CCDC163: variants seen among roughly 807,000 people sequenced by gnomAD.
CCDC163 encodes transmembrane protein CCDC163.
In CCDC163, 13 loss-of-function variants were observed where a neutral mutation model predicts 8.2. The observed-to-expected ratio is 1.59, with a 90% CI of 1.04 to 2.54. The LOEUF is 2.54. Ranked by LOEUF, CCDC163 falls within the 30% of genes most tolerant of loss-of-function variation. The probability of loss-of-function intolerance (pLI) is 0.00; values close to 1 mark genes in which losing one functional copy is unlikely to be tolerated. For missense variants in CCDC163, 117 were observed against 78.6 expected, an observed-to-expected ratio of 1.49 and a Z score of -1.85; for synonymous variants, 41 against 30.9, an observed-to-expected ratio of 1.33 and a Z score of -1.08.
In CCDC163 at chr1:45,494,795, A is replaced by G. The variant is rs1653942614; in HGVS notation, c.*264T>C. 2.4e-6 allele frequency: 1 copy of G among 412,452 alleles called. No homozygotes were observed. Among genetic ancestry groups the G allele is most frequent in the Admixed American group, 3.5e-5 (1 of 28,610 alleles). 25.5% of individuals were successfully genotyped at this position (412,452 alleles called of 1,614,324 possible). A position where few individuals can be genotyped will look rare whatever the true frequency, so the allele number is the denominator to read the frequency against. On this transcript the variant is annotated 3_prime_UTR_variant, in exon 5 of 5. Coordinates refer to ENST00000629482, the MANE Select transcript of CCDC163 (RefSeq NM_001102601.3). ...AACATGGTGAAACCCCATCTCTACT[A>G]AAAATACAAAAATTAGCGCACACCT...
chr1:45,497,690 C>A (rs1196803499), intron 2 of CCDC163, among the ~76,000 whole-genome samples: 1 of 39,728 alleles, frequency 2.5e-5, no homozygotes, highest in Non-Finnish European at 4.8e-5. Flanking sequence ...GGCAGCCACC[C>A]CGTCCGGGAG....
Position 45,499,711 on chromosome 1 carries a change from T to C in CCDC163, c.-102A>G. 1.5e-6 allele frequency: 1 copy of C among 674,950 alleles called. No homozygotes were observed. The allele number at this position is 674,950 out of a possible 1,614,324, so 41.8% of individuals were successfully genotyped here. A position where few individuals can be genotyped will look rare whatever the true frequency, so the allele number is the denominator to read the frequency against. On this transcript the variant is annotated 5_prime_UTR_variant, in exon 1 of 5. Coordinates refer to ENST00000629482, the MANE Select transcript of CCDC163 (RefSeq NM_001102601.3). ...GTATCCCCAGGAAAGGCCACCACGT[T>C]AGATGGAAAGAGGGAAGTGGGGATG...
chr1:45,497,727 C>T (rs1353938963), intron 2 of CCDC163, among the ~76,000 whole-genome samples: 1 of 33,288 alleles, frequency 3.0e-5, no homozygotes, highest in Non-Finnish European at 5.9e-5. Flanking sequence ...AGCCCCCCGC[C>T]AGGCCAGCCG....
In CCDC163 at chr1:45,499,527, C is replaced by T. The variant is rs1476935816; in HGVS notation, c.78+5G>A. 1.3e-6 allele frequency: 1 copy of T among 778,996 alleles called. No individual in the cohort carries two copies. Among genetic ancestry groups the T allele is most frequent in the African/African-American group, 1.7e-5 (1 of 59,102 alleles). The allele number at this position is 778,996 out of a possible 1,614,324, so 48.3% of individuals were successfully genotyped here. The stretch of plus-strand genomic sequence containing the variant: ...GCAAACTGGGGACCTCCACCAACCC[C>T]TCACCTTATTCCGGACCACATTTCC... On this transcript the variant is annotated splice_donor_5th_base_variant and intron_variant, in intron 1 of 4. Coordinates refer to ENST00000629482, the MANE Select transcript of CCDC163 (RefSeq NM_001102601.3).
At chr1:45,496,529 C>G (rs1654154883) in intron 4 of CCDC163, 27 bp downstream of exon 4, 1 of 778,618 alleles carries the variant, frequency 1.3e-6, no homozygotes, top group African/African-American at 1.7e-5. Context: ...GAGAAATATG[C>G]AGAGACAAGT....
intron 3 of CCDC163, 121 bp from the exon 4 acceptor site, chr1:45,496,744 G>A (rs538266291): frequency 4.2e-5 from 27 of 642,124 alleles, no homozygotes; most frequent in Non-Finnish European, 6.5e-5. Flanking sequence ...CCATTGGGAC[G>A]CTTCCAAGCT....
chr1:45,498,756 T>C (rs1643445807), intron 2 of CCDC163: 3 of 161,656 alleles, frequency 1.9e-5, no homozygotes, highest in Non-Finnish European at 1.4e-5. Context: ...CAAAATTGTG[T>C]GCATACATAT....
At position 45,499,455 on chromosome 1, in the gene CCDC163, A is replaced by G. The variant is rs755473389; in HGVS notation, c.79-12T>C. On this transcript the variant is annotated splice_polypyrimidine_tract_variant and intron_variant, in intron 1 of 4. Transcript: ENST00000629482. ...GGATACAGCCACTGCTACAAAAGAA[A>G]CAGATGCACAGGCCAATGAACTCTG... The G allele has an allele frequency of 1.3e-6, 1 of 778,556 alleles. No homozygotes were observed. The highest frequency in any genetic ancestry group is 1.3e-5 in the South Asian group (1 of 74,172). The allele number at this position is 778,556 out of a possible 1,614,324, so 48.2% of individuals were successfully genotyped here. A position where few individuals can be genotyped will look rare whatever the true frequency, so the allele number is the denominator to read the frequency against.
At position 45,497,372 on chromosome 1, in the gene CCDC163, A is replaced by AG. The variant is rs772599722; in HGVS notation, c.188dup (p.Val64CysfsTer37). The AG allele has an allele frequency of 3.8e-6, 3 of 779,512 alleles. No individual in the cohort carries two copies. The highest frequency in any genetic ancestry group is 7.2e-6 in the Non-Finnish European group (3 of 417,314). 48.3% of individuals were successfully genotyped at this position (779,512 alleles called of 1,614,324 possible). ...CCTCCCACAGCACTGCAGGAGTGACAGCAGTGCTATTCTAAAGTCAATCAA... is the reference window on the plus strand; with the variant it reads ...CCTCCCACAGCACTGCAGGAGTGACAGGCAGTGCTATTCTAAAGTCAATCAA... On this transcript the variant is annotated frameshift_variant, in exon 3 of 5. Transcript: ENST00000629482. LOFTEE classifies it high-confidence loss of function.
intron 2 of CCDC163, among the ~76,000 whole-genome samples, chr1:45,497,615 A>G (rs1440759143): frequency 1.6e-5 from 2 of 125,808 alleles, no homozygotes; most frequent in African/African-American, 6.3e-5. Context: ...GGCCTCCCAA[A>G]GTGCCGAGAC....
At chr1:45,495,878 G>A (rs1054831923) in intron 4 of CCDC163, among the ~76,000 whole-genome samples, 1 of 152,030 alleles carries the variant, frequency 6.6e-6, no homozygotes, top group Non-Finnish European at 1.5e-5. Flanking sequence ...GGCTGGTCTT[G>A]AACTCCTGAC....
At position 45,494,463 on chromosome 1, in the gene CCDC163, CAA is replaced by C. The variant is rs57092651; in HGVS notation, c.*594_*595del. On this transcript the variant is annotated 3_prime_UTR_variant, in exon 5 of 5. Transcript: ENST00000629482. ...TGGGCAACTGAGTAAGACCTTGCCT[CAA>C]AAAAAAAAAAAAAAAAGGCAGAAGC... 156 of 101,116 alleles carry C rather than the reference CAA, an allele frequency of 1.5e-3. No homozygotes were observed. Among genetic ancestry groups the C allele is most frequent in the East Asian group, 3.2e-3 (12 of 3,740 alleles). The allele number at this position is 101,116 out of a possible 1,614,324, so 6.3% of individuals were successfully genotyped here. A position where few individuals can be genotyped will look rare whatever the true frequency, so the allele number is the denominator to read the frequency against.
intron 4 of CCDC163, among the ~76,000 whole-genome samples, chr1:45,495,792 G>A (rs749309714): frequency 6.6e-6 from 1 of 150,732 alleles, no homozygotes; most frequent in Non-Finnish European, 1.5e-5. Context: ...TCAGCCTCTC[G>A]AGTAGCTGGG....
intron 2 of CCDC163, among the ~76,000 whole-genome samples, chr1:45,497,720 C>A (rs1450332519): frequency 2.7e-5 from 1 of 36,868 alleles, no homozygotes; most frequent in Non-Finnish European, 5.3e-5. Flanking sequence ...GGGGGTCAGC[C>A]CCCCGCCAGG....
At chr1:45,496,823 G>A (rs1439880664) in intron 3 of CCDC163, among the ~76,000 whole-genome samples, 200 bp from the exon 4 acceptor site, 1 of 152,218 alleles carries the variant, frequency 6.6e-6, no homozygotes, top group African/African-American at 2.4e-5. Context: ...ACACTTCTCA[G>A]TAGCTCAGGC....
In CCDC163 at chr1:45,499,666, C is replaced by A; in HGVS notation, c.-57G>T. ...CTCCCTGGTGTCTTGTGCTTGCTCTCCTAGCGGGGGATACCCAAGGTATCC... is the reference window on the plus strand; with the variant it reads ...CTCCCTGGTGTCTTGTGCTTGCTCTACTAGCGGGGGATACCCAAGGTATCC... On this transcript the variant is annotated 5_prime_UTR_variant, in exon 1 of 5. Transcript: ENST00000629482. 1.4e-6 allele frequency: 1 copy of A among 722,080 alleles called. No homozygotes were observed. 44.7% of individuals were successfully genotyped at this position (722,080 alleles called of 1,614,324 possible). A position where few individuals can be genotyped will look rare whatever the true frequency, so the allele number is the denominator to read the frequency against.
intron 2 of CCDC163, among the ~76,000 whole-genome samples, chr1:45,497,656 G>A (rs1467127718): frequency 4.1e-5 from 4 of 97,264 alleles, no homozygotes; most frequent in Admixed American, 1.4e-4. Context: ...CACCCCGTCT[G>A]GGAAGTGAGG....
chr1:45,496,789 A>G (rs1458584246), intron 3 of CCDC163, among the ~76,000 whole-genome samples, 166 bp from the exon 4 acceptor site: 1 of 152,224 alleles, frequency 6.6e-6, no homozygotes, highest in Non-Finnish European at 1.5e-5. Context: ...ATGAGAGACA[A>G]AGAGTGCAAC....
Position 45,494,735 on chromosome 1 carries a change from TCACTTGAGGTC to T in CCDC163, c.*313_*323del, listed in dbSNP as rs1161530591. On this transcript the variant is annotated 3_prime_UTR_variant, in exon 5 of 5. Coordinates refer to ENST00000629482, the MANE Select transcript of CCDC163 (RefSeq NM_001102601.3). ...ACTTTGGGAGGGCGAGGCGGGCAGA[TCACTTGAGGTC>T]AGAAGTTCAAGACCAGACTGGCCAA... 19 of 304,874 alleles carry T rather than the reference TCACTTGAGGTC, an allele frequency of 6.2e-5. No individual in the cohort carries two copies. Among genetic ancestry groups the T allele is most frequent in the Non-Finnish European group, 8.3e-5 (13 of 156,684 alleles). The allele number at this position is 304,874 out of a possible 1,614,324, so 18.9% of individuals were successfully genotyped here.
Sources: gnomAD v4.1 joint callset for allele counts (sites outside exome capture counted in the v4.1 genomes callset) on GRCh38, gnomAD v4.1.1 for gene constraint, MANE v1.5 for transcripts, NCBI Gene and HGNC (gene_info 2026-07-23, HGNC 2026-07-21) for gene names.